CPNE5: variants seen among roughly 807,000 people sequenced by gnomAD.
The protein encoded by CPNE5 is copine-5.
CPNE5 carries 42 observed loss-of-function variants against 81.1 expected under a neutral mutation model. That is an observed-to-expected ratio of 0.52 (90% confidence interval 0.40 to 0.67). The LOEUF (loss-of-function observed/expected upper bound fraction) is 0.67. Ranked by LOEUF, CPNE5 falls within the 30% of genes least tolerant of loss-of-function variation. The pLI is 0.00. For missense variants in CPNE5, 612 were observed against 815.5 expected (o/e 0.75, Z 3.04); for synonymous variants, 313 against 321.5 (o/e 0.97, Z 0.28).
chr6:36,830,128 C>T (rs557621182), intron 1 of CPNE5, among the ~76,000 whole-genome samples: 1 of 152,306 alleles, frequency 6.6e-6, no homozygotes, highest in Non-Finnish European at 1.5e-5. Flanking sequence ...AGCGATGTGC[C>T]TGATGTCACC....
intron 1 of CPNE5, chr6:36,838,632 A>G (rs2150640470): frequency 3.0e-6 from 1 of 337,358 alleles, no homozygotes; most frequent in Non-Finnish European, 4.2e-6. Flanking sequence ...CCTTTGGCTT[A>G]AGATTTTTGA....
chr6:36,789,338 T>C (rs1462551724), intron 8 of CPNE5, among the ~76,000 whole-genome samples: 1 of 152,190 alleles, frequency 6.6e-6, no homozygotes, highest in Non-Finnish European at 1.5e-5. Context: ...TGATAGGTAT[T>C]CAACCTAAGA....
chr6:36,805,758 C>A (rs1770536284), intron 3 of CPNE5, among the ~76,000 whole-genome samples: 1 of 152,140 alleles, frequency 6.6e-6, no homozygotes, highest in Non-Finnish European at 1.5e-5. Context: ...TCCCTGGCAA[C>A]AAAACTCAGT....
rs1047062581 is a variant in CPNE5 at position 36,821,227 on chromosome 6, C to T, written c.183+887G>A. On this transcript the variant is annotated intron_variant, in intron 3 of 20. Coordinates refer to ENST00000244751, the MANE Select transcript of CPNE5 (RefSeq NM_020939.2). ...AAGAGCAGGTGAAAAGGCCTGGAGG[C>T]GGGGGCGGGCCGTGTGACTGGAGTG... Among the ~76,000 whole-genome samples the T allele has an allele frequency of 6.3e-5, 9 of 143,928 alleles. No homozygotes were observed. In the East Asian group the frequency reaches 1.6e-3, roughly 26 times the overall value. 94.4% of individuals were successfully genotyped at this position (143,928 alleles called of 152,430 possible).
chr6:36,775,367 T>TGAGCAAGCTCTCCCCTC (rs1172068553), intron 9 of CPNE5, among the ~76,000 whole-genome samples: 1 of 152,214 alleles, frequency 6.6e-6, no homozygotes, highest in Non-Finnish European at 1.5e-5. Context: ...CGTGTGACCT[T>TGAGCAAGCTCTCCCCTC]GAGCAAGCTC....
At chr6:36,792,118 G>T (rs1421735701) in intron 7 of CPNE5, 22 bp from the exon 8 acceptor site, 1 of 1,610,090 alleles carries the variant, frequency 6.2e-7, no homozygotes. Flanking sequence ...GAAGATGAAA[G>T]AATGGAAAGC....
chr6:36,805,439 G>A (rs188954452), intron 3 of CPNE5, among the ~76,000 whole-genome samples: 3 of 152,348 alleles, frequency 2.0e-5, no homozygotes, highest in East Asian at 3.9e-4. Flanking sequence ...GGATCCTCAC[G>A]TTGCTCACAG....
chr6:36,833,930 G>C (rs936167820), intron 1 of CPNE5, among the ~76,000 whole-genome samples: 4 of 152,052 alleles, frequency 2.6e-5, no homozygotes, highest in African/African-American at 9.7e-5. Context: ...ATATATAAAA[G>C]TATTATGTGA....
At position 36,768,225 on chromosome 6, in the gene CPNE5, C is replaced by CTTTTTT. The variant is rs10586762; in HGVS notation, c.738-2855_738-2850dup. 8.8e-4 allele frequency among the ~76,000 whole-genome samples: 53 copies of CTTTTTT among 60,494 alleles called. 4 individuals are homozygous for CTTTTTT. Among genetic ancestry groups the CTTTTTT allele is most frequent in the Non-Finnish European group, 1.1e-3 (36 of 32,800 alleles). The allele number at this position is 60,494 out of a possible 152,430, so 39.7% of individuals were successfully genotyped here. ...GGCTTTGACTACTCTATTCACAGTT[C>CTTTTTT]TTTTTTTTTTTTTTTTTTTTTTTTT... is the stretch of plus-strand genomic sequence containing the variant. On this transcript the variant is annotated intron_variant, in intron 10 of 20. Transcript: ENST00000244751.
chr6:36,782,816 A>AACACACACACACACAC (rs3997726), intron 8 of CPNE5, among the ~76,000 whole-genome samples: 48 of 126,320 alleles, frequency 3.8e-4, no homozygotes, highest in African/African-American at 1.3e-3. Flanking sequence ...CAAAAACCAA[A>AACACACACACACACAC]ACACACACAC....
At chr6:36,744,205 G>C (rs1582674834) in intron 19 of CPNE5, 63 bp downstream of exon 19, 7 of 1,303,424 alleles carry the variant, frequency 5.4e-6, no homozygotes, top group Admixed American at 2.0e-5. Context: ...GGAAACATCT[G>C]GGGTGGGGGC....
intron 11 of CPNE5, among the ~76,000 whole-genome samples, chr6:36,764,742 G>A (rs1582794738): frequency 6.6e-6 from 1 of 152,082 alleles, no homozygotes; most frequent in Non-Finnish European, 1.5e-5. Context: ...CTGTCTCACG[G>A]CCCATGAGTC....
intron 1 of CPNE5, among the ~76,000 whole-genome samples, chr6:36,835,190 C>T (rs183217686): frequency 1.1e-4 from 17 of 152,354 alleles, no homozygotes; most frequent in African/African-American, 3.8e-4. Flanking sequence ...CAGGACCCTG[C>T]GCAAGTGCAA....
chr6:36,838,133 C>G (rs1390133015), intron 1 of CPNE5, among the ~76,000 whole-genome samples: 1 of 152,186 alleles, frequency 6.6e-6, no homozygotes, highest in Non-Finnish European at 1.5e-5. Context: ...TCCTTCACGC[C>G]CCTGCCCAGA....
At chr6:36,815,021 G>A (rs889727860) in intron 3 of CPNE5, among the ~76,000 whole-genome samples, 4 of 152,036 alleles carry the variant, frequency 2.6e-5, no homozygotes, top group African/African-American at 9.7e-5. Flanking sequence ...AGTCGGGCGT[G>A]GTGGTGCACG....
At chr6:36,748,329 C>G (rs1001380040) in intron 14 of CPNE5, 62 bp from the exon 15 acceptor site, 1 of 1,466,330 alleles carries the variant, frequency 6.8e-7, no homozygotes, top group Non-Finnish European at 9.6e-7. Context: ...GGAGGGGGGA[C>G]AGTGCTAGAC....
In CPNE5 at chr6:36,798,475, T is replaced by G. The variant is rs780799935; in HGVS notation, c.307A>C (p.Ser103Arg). Residue 103 changes from serine (S) to arginine (R), a missense_variant, in exon 5 of 21, where the codon AGT becomes CGT. Transcript: ENST00000244751. ...RFDLYDVDSK[S>R]PDLSKHDFLG... is the part of the protein sequence containing the mutation. ...CTCACGTGTTTGGATAAATCAGGACTCTTAGAGTCAACGTCGTATCTGCAG... is the reference window on the plus strand; with the variant it reads ...CTCACGTGTTTGGATAAATCAGGACGCTTAGAGTCAACGTCGTATCTGCAG... The G allele has an allele frequency of 3.1e-6, 5 of 1,614,112 alleles. No individual in the cohort carries two copies. The South Asian group carries it at 5.5e-5, about 18-fold the overall frequency.
At chr6:36,821,757 G>A (rs1772071593) in intron 3 of CPNE5, among the ~76,000 whole-genome samples, 1 of 152,180 alleles carries the variant, frequency 6.6e-6, no homozygotes, top group South Asian at 2.1e-4. Flanking sequence ...CCACGGGAAG[G>A]AAGCTTGCTG....
intron 8 of CPNE5, among the ~76,000 whole-genome samples, chr6:36,786,091 T>A (rs1386924463): frequency 1.3e-5 from 2 of 152,104 alleles, no homozygotes; most frequent in African/African-American, 4.8e-5. Context: ...TGTGCTGGAT[T>A]TTCCAAATCT....
Sources: allele counts gnomAD v4.1 joint callset (sites outside exome capture counted in the v4.1 genomes callset), GRCh38; gene constraint gnomAD v4.1.1; transcripts MANE v1.5; gene names NCBI Gene and HGNC (gene_info 2026-07-23, HGNC 2026-07-21).